Variants in DPP10 observed in about 807,000 individuals in gnomAD.
DPP10 encodes inactive dipeptidyl peptidase 10.
In DPP10, 33 loss-of-function variants were observed where a neutral mutation model predicts 120.9. The ratio of observed to expected loss-of-function variants is 0.27; its 90% CI spans 0.21 to 0.37. DPP10 has a LOEUF of 0.37. Among genes scored for constraint, DPP10 ranks in the 10% least tolerant of loss-of-function variants. The probability of loss-of-function intolerance (pLI) is 1.00; values close to 1 mark genes in which losing one functional copy is unlikely to be tolerated. For synonymous variants in DPP10, 337 were observed against 326.1 expected (o/e 1.03, Z -0.36); for missense variants, 816 against 942.8 (o/e 0.87, Z 1.76).
intron 5 of DPP10, among the ~76,000 whole-genome samples, chr2:115,537,816 C>A (rs901427156): frequency 6.6e-6 from 1 of 151,836 alleles, no homozygotes; most frequent in Admixed American, 6.6e-5. Flanking sequence ...TGATTGATGC[C>A]AGATGTGGGG....
At chr2:115,662,223 TG>T (rs1055711424) in intron 5 of DPP10, among the ~76,000 whole-genome samples, 26 of 152,326 alleles carry the variant, frequency 1.7e-4, no homozygotes, top group Admixed American at 4.6e-4. Context: ...ATTAACATTT[TG>T]TTGCATTTAT....
chr2:115,345,505 A>G (rs1424624236), intron 3 of DPP10, among the ~76,000 whole-genome samples: 1 of 152,190 alleles, frequency 6.6e-6, no homozygotes, highest in Non-Finnish European at 1.5e-5. Context: ...GAAAGTTGCT[A>G]GGTTTTTTTA....
intron 3 of DPP10, among the ~76,000 whole-genome samples, chr2:115,375,521 GC>G (rs1269383002): frequency 6.6e-6 from 1 of 152,146 alleles, no homozygotes; most frequent in African/African-American, 2.4e-5. Flanking sequence ...TCCAGCTTCT[GC>G]CTGTTTCCCA....
At chr2:115,391,795 C>A (rs942476789) in intron 3 of DPP10, among the ~76,000 whole-genome samples, 2 of 151,902 alleles carry the variant, frequency 1.3e-5, no homozygotes, top group African/African-American at 4.8e-5. Context: ...GAGAAAAGTA[C>A]AAGATGAGTT....
At chr2:115,291,026 C>T (rs1054523925) in intron 1 of DPP10, among the ~76,000 whole-genome samples, 1 of 152,032 alleles carries the variant, frequency 6.6e-6, no homozygotes, top group Admixed American at 6.6e-5. Context: ...TTTTCTGAGG[C>T]AGGGTCTCGC....
chr2:115,028,273 T>G (rs917764012), intron 1 of DPP10, among the ~76,000 whole-genome samples: 2 of 152,096 alleles, frequency 1.3e-5, no homozygotes, highest in African/African-American at 4.8e-5. Context: ...ATCCCATAGA[T>G]TTTTGTATGT....
chr2:115,483,579 A>G (rs1484950139), intron 3 of DPP10, among the ~76,000 whole-genome samples: 5 of 152,102 alleles, frequency 3.3e-5, no homozygotes, highest in African/African-American at 1.2e-4. Context: ...CAAATTGCCC[A>G]TGATGTTAGA....
At chr2:115,611,566 A>G (rs1575331118) in intron 5 of DPP10, among the ~76,000 whole-genome samples, 1 of 152,250 alleles carries the variant, frequency 6.6e-6, no homozygotes, top group South Asian at 2.1e-4. Context: ...TGACTTTCTA[A>G]CTTCCTCCAG....
At chr2:115,216,278 G>C (rs1407535883) in intron 1 of DPP10, among the ~76,000 whole-genome samples, 1 of 151,916 alleles carries the variant, frequency 6.6e-6, no homozygotes, top group Admixed American at 6.6e-5. Flanking sequence ...TAACAAAACT[G>C]CGCTGGCACA....
intron 1 of DPP10, among the ~76,000 whole-genome samples, chr2:114,549,091 G>A (rs2033305): frequency 0.71 from 108,289 of 152,036 alleles, 39,902 homozygotes; most frequent in South Asian, 0.86. Context: ...GAGGGACTGG[G>A]AATGCATTAT....
intron 1 of DPP10, among the ~76,000 whole-genome samples, chr2:114,553,637 T>A (rs933908926): frequency 6.6e-6 from 1 of 152,216 alleles, no homozygotes; most frequent in African/African-American, 2.4e-5. Flanking sequence ...AAGTTATAAG[T>A]GATTGACCAG....
At chr2:115,324,395 A>G (rs2062231319) in intron 2 of DPP10, among the ~76,000 whole-genome samples, 2 of 152,200 alleles carry the variant, frequency 1.3e-5, no homozygotes, top group African/African-American at 2.4e-5. Flanking sequence ...CTTCTTGATA[A>G]CTGGCTGTAG....
chr2:115,386,285 G>A (rs985218421), intron 3 of DPP10, among the ~76,000 whole-genome samples: 6 of 152,062 alleles, frequency 3.9e-5, no homozygotes, highest in South Asian at 2.1e-4. Flanking sequence ...TCTTTATCTT[G>A]TATCCATATT....
chr2:115,104,692 T>C (rs1170730436), intron 1 of DPP10, among the ~76,000 whole-genome samples: 1 of 152,170 alleles, frequency 6.6e-6, no homozygotes, highest in Non-Finnish European at 1.5e-5. Flanking sequence ...TACTTGATCT[T>C]CTCTTATGTT....
intron 2 of DPP10, among the ~76,000 whole-genome samples, chr2:115,334,286 G>A (rs1038508059): frequency 7.5e-5 from 8 of 106,376 alleles, no homozygotes; most frequent in Non-Finnish European, 1.9e-5. Context: ...ATTAGAAAGA[G>A]TAAGAAAAGG....
intron 3 of DPP10, among the ~76,000 whole-genome samples, chr2:115,430,713 T>C (rs932227881): frequency 6.6e-6 from 1 of 152,148 alleles, no homozygotes; most frequent in Non-Finnish European, 1.5e-5. Context: ...CCGAAAAGCC[T>C]TGGGCAGTAC....
At chr2:114,622,699 CT>C (rs1176725526) in intron 1 of DPP10, among the ~76,000 whole-genome samples, 2 of 152,024 alleles carry the variant, frequency 1.3e-5, no homozygotes, top group Non-Finnish European at 2.9e-5. Context: ...AGAAAAGGGC[CT>C]TCTTTCTGTT....
At chr2:115,082,566 T>A (rs1708360670) in intron 1 of DPP10, among the ~76,000 whole-genome samples, 1 of 152,226 alleles carries the variant, frequency 6.6e-6, no homozygotes, top group Non-Finnish European at 1.5e-5. Flanking sequence ...AATACAATGC[T>A]ACAGAAAGGA....
Position 115,459,938 on chromosome 2 carries a change from T to TATATATATATATATATATACACACAC in DPP10, c.272-39571_272-39570insTATATATATATATATATACACACACA, listed in dbSNP as rs66927327. Among the ~76,000 whole-genome samples the TATATATATATATATATATACACACAC allele has an allele frequency of 4.2e-3, 537 of 128,482 alleles. 3 individuals carry two copies. Among genetic ancestry groups the TATATATATATATATATATACACACAC allele is most frequent in the East Asian group, 0.018 (83 of 4,504 alleles). The allele number at this position is 128,482 out of a possible 152,430, so 84.3% of individuals were successfully genotyped here. A position where few individuals can be genotyped will look rare whatever the true frequency, so the allele number is the denominator to read the frequency against. On this transcript the variant is annotated intron_variant, in intron 3 of 25. Coordinates refer to ENST00000410059, the MANE Select transcript of DPP10 (RefSeq NM_020868.6). ...AAAACATATATTTTATATATATATA[T>TATATATATATATATATATACACACAC]ACACACACACACCTTTGTTTGCATT...
Sources: allele counts gnomAD v4.1 joint callset (sites outside exome capture counted in the v4.1 genomes callset), GRCh38; gene constraint gnomAD v4.1.1; transcripts MANE v1.5; gene names NCBI Gene and HGNC (gene_info 2026-07-23, HGNC 2026-07-21).